Variants in ATP11C observed in about 807,000 individuals in gnomAD.
ATP11C encodes the protein phospholipid-transporting ATPase IG.
Under a neutral mutation model 97.4 loss-of-function variants are expected in ATP11C, and 36 were observed. The observed-to-expected ratio is 0.37, with a 90% CI of 0.28 to 0.49. The LOEUF (loss-of-function observed/expected upper bound fraction) is 0.49, where lower values mean the gene tolerates loss of function less well. Ranked by LOEUF, ATP11C falls within the 20% of genes least tolerant of loss-of-function variation. The pLI is 0.98. For missense variants in ATP11C, 730 were observed against 824.6 expected, an observed-to-expected ratio of 0.89 and a Z score of 1.40; for synonymous variants, 275 against 290.9, an observed-to-expected ratio of 0.95 and a Z score of 0.56.
At chrX:139,797,068 G>T in intron 11 of ATP11C, 108 bp downstream of exon 11, 1 of 662,795 alleles carries the variant, frequency 1.5e-6, no homozygotes, top group Non-Finnish European at 2.3e-6. Context: ...ATGTAATCGA[G>T]AGAAAATTCA....
At chrX:139,791,937 C>T (rs2082698059) in intron 12 of ATP11C, among the ~76,000 whole-genome samples, 1 of 110,960 alleles carries the variant, frequency 9.0e-6, no homozygotes, top group African/African-American at 3.3e-5. Flanking sequence ...TGTTTCCTGA[C>T]ATAAAGCTCC....
intron 3 of ATP11C, among the ~76,000 whole-genome samples, chrX:139,817,463 T>G (rs2098592502): frequency 8.9e-6 from 1 of 112,345 alleles, no homozygotes; most frequent in Non-Finnish European, 1.9e-5. Context: ...GGGAGTGTGG[T>G]GTGAGATGGG....
intron 1 of ATP11C, among the ~76,000 whole-genome samples, chrX:139,868,605 T>TA (rs1403944268): frequency 9.3e-6 from 1 of 107,143 alleles, no homozygotes; most frequent in Admixed American, 1.0e-4. Flanking sequence ...GGTGCGCCTG[T>TA]AGTCCCAGCT....
chrX:139,891,813 G>A lies in ATP11C; in HGVS notation c.27+40203C>T, dbSNP rs1359730782. 1.9e-4 allele frequency among the ~76,000 whole-genome samples: 21 copies of A among 111,854 alleles called. No homozygotes were observed. In the Admixed American group the frequency reaches 2.0e-3, roughly 11 times the overall value. ...AAAGTTGAAGTATAAGCTTCTGAGA[G>A]TCTTTTTCAATACAAAGATTTCATG... On this transcript the variant is annotated intron_variant, in intron 1 of 29. Transcript: ENST00000682941.
chrX:139,934,801 G>A (rs754979890), upstream of ATP11C, among the ~76,000 whole-genome samples: 5 of 110,720 alleles, frequency 4.5e-5, no homozygotes, highest in Non-Finnish European at 9.4e-5. Context: ...CACCCGCCTC[G>A]GCCTCCCAAA....
chrX:139,798,196 A>T, intron 10 of ATP11C, 77 bp downstream of exon 10: 2 of 887,349 alleles, frequency 2.3e-6, no homozygotes, highest in Admixed American at 2.9e-5. Context: ...GTTTTTTGTT[A>T]TGCTTGTTAC....
intron 28 of ATP11C, 101 bp downstream of exon 28, chrX:139,737,815 C>T (rs1385767448): frequency 1.2e-6 from 1 of 858,210 alleles, no homozygotes; most frequent in South Asian, 2.1e-5. Flanking sequence ...AGGGGTTTAA[C>T]ATGCTGTAAC....
chrX:139,871,536 T>TG (rs1299272426), intron 1 of ATP11C, among the ~76,000 whole-genome samples: 2 of 101,154 alleles, frequency 2.0e-5, no homozygotes, highest in African/African-American at 7.3e-5. Context: ...TTTTTTTTTT[T>TG]GAAACAGGGT....
chrX:139,929,879 T>C (rs2148194886), intron 1 of ATP11C, among the ~76,000 whole-genome samples: 1 of 110,756 alleles, frequency 9.0e-6, no homozygotes, highest in East Asian at 2.8e-4. Flanking sequence ...GATGGAAAAA[T>C]TGCCCCCCTC....
intron 1 of ATP11C, among the ~76,000 whole-genome samples, chrX:139,903,915 T>C (rs2084936089): frequency 9.0e-6 from 1 of 111,360 alleles, no homozygotes; most frequent in Non-Finnish European, 1.9e-5. Context: ...CACCATCACC[T>C]GGAGGGTTTG....
At chrX:139,815,926 A>G (rs2083280879) in intron 4 of ATP11C, among the ~76,000 whole-genome samples, 1 of 111,472 alleles carries the variant, frequency 9.0e-6, no homozygotes, top group Non-Finnish European at 1.9e-5. Flanking sequence ...CAGTATTGGG[A>G]GCAGAATGAA....
chrX:139,767,397 A>G (rs1026629975), intron 20 of ATP11C, among the ~76,000 whole-genome samples: 2 of 111,504 alleles, frequency 1.8e-5, no homozygotes, highest in Non-Finnish European at 3.8e-5. Flanking sequence ...GACTATATAT[A>G]GAGGGAGAGG....
At chrX:139,933,282 C>A (rs1157869254), upstream of ATP11C, among the ~76,000 whole-genome samples, 1 of 100,241 alleles carries the variant, frequency 1.0e-5, no homozygotes, top group Non-Finnish European at 2.0e-5. Flanking sequence ...GGGTTCTCCA[C>A]GCCGGCCGGC....
intron 1 of ATP11C, among the ~76,000 whole-genome samples, chrX:139,918,335 A>G (rs1261443299): frequency 3.6e-5 from 4 of 111,731 alleles, no homozygotes; most frequent in Non-Finnish European, 7.5e-5. Context: ...AAATCAGGCC[A>G]GGCATGTGGC....
chrX:139,870,241 A>T (rs955790395), intron 1 of ATP11C, among the ~76,000 whole-genome samples: 4 of 112,227 alleles, frequency 3.6e-5, no homozygotes, highest in African/African-American at 1.3e-4. Context: ...AAAATTTTTT[A>T]AAAGAGTACC....
rs184512774 is a variant in ATP11C at position 139,818,695 on chromosome X, G to A, written c.237+643C>T. Among the ~76,000 whole-genome samples, 4 of 111,666 alleles carry A rather than the reference G, an allele frequency of 3.6e-5. No individual in the cohort carries two copies. The Admixed American group carries it at 3.8e-4, about 11-fold the overall frequency. On this transcript the variant is annotated intron_variant, in intron 3 of 29. Coordinates refer to ENST00000682941, the MANE Select transcript of ATP11C (RefSeq NM_001353812.2). ...ACAGGGCATTGGAGCAACTTCAATGGGATTTTTCTGCTTCATTTAAAAAAT... is the reference window on the plus strand; with the variant it reads ...ACAGGGCATTGGAGCAACTTCAATGAGATTTTTCTGCTTCATTTAAAAAAT...
chrX:139,758,325 C>A (rs1342742425), intron 22 of ATP11C, among the ~76,000 whole-genome samples: 1 of 112,165 alleles, frequency 8.9e-6, no homozygotes, highest in Non-Finnish European at 1.9e-5. Context: ...TTTATTACTA[C>A]CTCATCAAAC....
chrX:139,900,311 G>C (rs1236213941), intron 1 of ATP11C, among the ~76,000 whole-genome samples: 12 of 100,898 alleles, frequency 1.2e-4, no homozygotes. Context: ...GGAGGTTACA[G>C]TGAGCCATGA....
intron 2 of ATP11C, among the ~76,000 whole-genome samples, chrX:139,826,165 C>T (rs1179392496): frequency 9.0e-6 from 1 of 111,241 alleles, no homozygotes; most frequent in Non-Finnish European, 1.9e-5. Context: ...AGTGACTTAA[C>T]TCTTAACAGA....
Sources: gnomAD v4.1 joint callset for allele counts (sites outside exome capture counted in the v4.1 genomes callset) on GRCh38, gnomAD v4.1.1 for gene constraint, MANE v1.5 for transcripts, NCBI Gene and HGNC (gene_info 2026-07-23, HGNC 2026-07-21) for gene names.